The following GALNT13 variants were observed in gnomAD, a reference collection of about 807,000 sequenced individuals.
GALNT13 encodes polypeptide N-acetylgalactosaminyltransferase 13.
GALNT13 carries 28 observed loss-of-function variants against 64.2 expected under a neutral mutation model. The observed-to-expected ratio is 0.44, with a 90% CI of 0.32 to 0.60. GALNT13 has a LOEUF of 0.60. GALNT13 is among the 20% of genes least tolerant of loss of function. The probability of loss-of-function intolerance (pLI) is 0.05; values close to 1 mark genes in which losing one functional copy is unlikely to be tolerated. For synonymous variants in GALNT13, 214 were observed against 224.6 expected (o/e 0.95, Z 0.42); for missense variants, 577 against 669.8 (o/e 0.86, Z 1.53).
chr2:153,521,209 A>G, the GALNT13 span, among the ~76,000 whole-genome samples: 1 of 151,810 alleles, frequency 6.6e-6, no homozygotes, highest in African/African-American at 2.4e-5. Flanking sequence ...ACTCATTCTA[A>G]TTTTTCATTA....
At chr2:153,648,515 G>A in the GALNT13 span, among the ~76,000 whole-genome samples, 33 of 152,230 alleles carry the variant, frequency 2.2e-4, no homozygotes, top group African/African-American at 7.0e-4. Flanking sequence ...GAATAGGAGT[G>A]GTGAGAGAGG....
At position 154,133,419 on chromosome 2, in the gene GALNT13, T is replaced by C. The variant is rs1051449264; in HGVS notation, c.143-6918T>C. On this transcript the variant is annotated intron_variant, in intron 3 of 12. Transcript: ENST00000392825. The stretch of plus-strand genomic sequence containing the variant: ...CACACATTTTCATTGTGAGTTGCTA[T>C]GATTAAAGATTTTTGAGCTTGTATT... Among the ~76,000 whole-genome samples, 4 of 151,436 alleles carry C rather than the reference T, an allele frequency of 2.6e-5. No individual in the cohort carries two copies. The South Asian group carries it at 6.3e-4, about 24-fold the overall frequency.
At chr2:154,282,251 G>A (rs1405474865) in intron 8 of GALNT13, among the ~76,000 whole-genome samples, 2 of 152,140 alleles carry the variant, frequency 1.3e-5, no homozygotes, top group South Asian at 2.1e-4. Flanking sequence ...CTTTCTAAAC[G>A]AGAGGAATTC....
rs115294102 is a variant in GALNT13 at position 154,082,999 on chromosome 2, G to A, written c.143-57338G>A. Among the ~76,000 whole-genome samples the A allele has an allele frequency of 6.1e-3, 928 of 151,738 alleles. 9 individuals are homozygous for A. Among genetic ancestry groups the A allele is most frequent in the African/African-American group, 0.021 (886 of 41,444 alleles). The stretch of plus-strand genomic sequence containing the variant: ...GAAGTCTTTGCACATGCCTTTGTCC[G>A]GAATGGTATTACCTAGGTTTTCTTC... On this transcript the variant is annotated intron_variant, in intron 3 of 12. Transcript: ENST00000392825.
In GALNT13 at chr2:153,872,100, G is replaced by A. The variant is rs971958108; in HGVS notation, c.-380G>A. ...AGGCTGGAGCCGGCTCCCTCTGCTC[G>A]CGGGCAAGTGTGAAGAGAGAGGCGC... On this transcript the variant is annotated 5_prime_UTR_variant, in exon 1 of 13. Transcript: ENST00000392825. The A allele has an allele frequency of 2.0e-5, 3 of 151,912 alleles. No homozygotes were observed. The highest frequency in any genetic ancestry group is 7.2e-5 in the African/African-American group (3 of 41,392). The allele number at this position is 151,912 out of a possible 1,614,324, so 9.4% of individuals were successfully genotyped here.
chr2:154,408,269 A>G (rs1279660509), intron 10 of GALNT13, among the ~76,000 whole-genome samples: 2 of 152,100 alleles, frequency 1.3e-5, no homozygotes, highest in Non-Finnish European at 2.9e-5. Flanking sequence ...ATATGTATTA[A>G]CTTTATGTTA....
At chr2:154,368,847 TGAG>T (rs895991818) in intron 9 of GALNT13, among the ~76,000 whole-genome samples, 3 of 152,134 alleles carry the variant, frequency 2.0e-5, no homozygotes, top group Non-Finnish European at 4.4e-5. Context: ...TAAGAGATGT[TGAG>T]GGGTAACAAG....
intron 4 of GALNT13, among the ~76,000 whole-genome samples, chr2:154,160,723 G>T (rs1485274383): frequency 6.6e-6 from 1 of 152,166 alleles, no homozygotes; most frequent in Non-Finnish European, 1.5e-5. Flanking sequence ...CATGTTTTAA[G>T]ATTCCCATCA....
At chr2:153,687,676 A>G in the GALNT13 span, among the ~76,000 whole-genome samples, 3 of 151,970 alleles carry the variant, frequency 2.0e-5, no homozygotes, top group African/African-American at 4.8e-5. Context: ...TATGATCCTG[A>G]GGGAGCTTCA....
chr2:154,111,291 G>T (rs144815203), intron 3 of GALNT13, among the ~76,000 whole-genome samples: 2,354 of 152,254 alleles, frequency 0.015, 51 homozygotes, highest in African/African-American at 0.052. Context: ...TTGGGCTGTT[G>T]TAGTTTCCCA....
At chr2:154,194,773 G>A (rs1686788628) in intron 4 of GALNT13, among the ~76,000 whole-genome samples, 2 of 151,638 alleles carry the variant, frequency 1.3e-5, no homozygotes, top group African/African-American at 2.4e-5. Context: ...TAAGGAGGCT[G>A]AAGTCAGAGA....
intron 3 of GALNT13, among the ~76,000 whole-genome samples, chr2:153,974,144 T>C (rs995785968): frequency 6.6e-6 from 1 of 152,078 alleles, no homozygotes; most frequent in African/African-American, 2.4e-5. Context: ...GAAACACTAT[T>C]TTGTGGCTGT....
At chr2:153,239,215 G>A in the GALNT13 span, among the ~76,000 whole-genome samples, 29 of 152,140 alleles carry the variant, frequency 1.9e-4, 1 homozygote, top group South Asian at 6.0e-3. Context: ...GAATTTATCA[G>A]TTCTAATGTT....
chr2:153,747,248 C>T, the GALNT13 span, among the ~76,000 whole-genome samples: 15 of 151,860 alleles, frequency 9.9e-5, no homozygotes, highest in South Asian at 1.2e-3. Context: ...TTAAAATGTA[C>T]GATTATCATT....
At chr2:153,862,900 T>G in the GALNT13 span, among the ~76,000 whole-genome samples, 1 of 152,122 alleles carries the variant, frequency 6.6e-6, no homozygotes, top group African/African-American at 2.4e-5. Flanking sequence ...TCCCTTTATT[T>G]AGTTAGCTAA....
intron 4 of GALNT13, among the ~76,000 whole-genome samples, chr2:154,220,142 G>A (rs1180684911): frequency 1.3e-5 from 2 of 151,944 alleles, no homozygotes; most frequent in South Asian, 2.1e-4. Flanking sequence ...TTGGCTTTAT[G>A]GACATCTACC....
At position 153,938,301 on chromosome 2, in the gene GALNT13, TTA is replaced by T. The variant is rs1691093840; in HGVS notation, c.-104-6089_-104-6088del. 2.0e-5 allele frequency among the ~76,000 whole-genome samples: 3 copies of T among 152,244 alleles called. No homozygotes were observed. The South Asian group carries it at 6.2e-4, about 32-fold the overall frequency. ...GTATGCAAAATTCTCTTCTGATTGT[TTA>T]TATGTTCTCTGTTAAATGTAGATGC... On this transcript the variant is annotated intron_variant, in intron 2 of 12. Coordinates refer to ENST00000392825, the MANE Select transcript of GALNT13 (RefSeq NM_052917.4).
chr2:153,780,214 GATATATATAT>G, the GALNT13 span, among the ~76,000 whole-genome samples: 2,056 of 127,810 alleles, frequency 0.016, 25 homozygotes, highest in East Asian at 0.05. Flanking sequence ...AGAATTTGAA[GATATATATAT>G]ATATATATAT....
the GALNT13 span, among the ~76,000 whole-genome samples, chr2:153,462,439 T>G: frequency 6.6e-6 from 1 of 152,152 alleles, no homozygotes; most frequent in East Asian, 1.9e-4. Context: ...TAGCAACTAT[T>G]AGCTCTGCTT....
Sources: gnomAD v4.1 joint callset for allele counts (sites outside exome capture counted in the v4.1 genomes callset) on GRCh38, gnomAD v4.1.1 for gene constraint, MANE v1.5 for transcripts, NCBI Gene and HGNC (gene_info 2026-07-23, HGNC 2026-07-21) for gene names.